Variants in PCSK2 observed in about 807,000 individuals in gnomAD.
The protein encoded by PCSK2 is proprotein convertase subtilisin/kexin type 2.
PCSK2 carries 14 observed loss-of-function variants against 69.7 expected under a neutral mutation model. That is an observed-to-expected ratio of 0.20 (90% confidence interval 0.13 to 0.31). PCSK2 has a LOEUF of 0.31. Among genes scored for constraint, PCSK2 ranks in the 10% least tolerant of loss-of-function variants. PCSK2 has a pLI of 1.00. For missense variants in PCSK2, 544 were observed against 842.5 expected (o/e 0.65, Z 4.39); for synonymous variants, 307 against 320.7 (o/e 0.96, Z 0.46).
At chr20:17,291,258 A>T (rs1361241152) in intron 2 of PCSK2, among the ~76,000 whole-genome samples, 1 of 152,166 alleles carries the variant, frequency 6.6e-6, no homozygotes, top group Admixed American at 6.5e-5. Flanking sequence ...TATACAAAAT[A>T]TGCATATATA....
intron 5 of PCSK2, among the ~76,000 whole-genome samples, chr20:17,372,007 G>A (rs2030778685): frequency 1.3e-5 from 2 of 152,286 alleles, no homozygotes; most frequent in South Asian, 2.1e-4. Context: ...AATTCTCCTG[G>A]TACAATGAGG....
chr20:17,471,127 G>C (rs116250553), intron 11 of PCSK2, among the ~76,000 whole-genome samples: 2 of 152,200 alleles, frequency 1.3e-5, no homozygotes, highest in African/African-American at 4.8e-5. Flanking sequence ...CACCGCGGGA[G>C]AGAAGGAGAG....
intron 1 of PCSK2, among the ~76,000 whole-genome samples, chr20:17,241,454 T>TA (rs1986568709): frequency 6.6e-6 from 1 of 152,178 alleles, no homozygotes; most frequent in Non-Finnish European, 1.5e-5. Flanking sequence ...GATGGCCACA[T>TA]ACAGGACATC....
At chr20:17,240,212 C>T (rs1398865847) in intron 1 of PCSK2, among the ~76,000 whole-genome samples, 1 of 151,960 alleles carries the variant, frequency 6.6e-6, no homozygotes, top group Non-Finnish European at 1.5e-5. Context: ...TTGGCCAAAG[C>T]AAGTCACATG....
chr20:17,305,449 AG>A (rs1449987576), intron 2 of PCSK2, among the ~76,000 whole-genome samples: 1 of 152,216 alleles, frequency 6.6e-6, no homozygotes, highest in Non-Finnish European at 1.5e-5. Flanking sequence ...GAAGAAGGGA[AG>A]GAATCGTGTG....
chr20:17,347,892 GAAAGAAAGAAAGAA>G (rs1990713050), intron 2 of PCSK2, among the ~76,000 whole-genome samples: 1 of 7,830 alleles, frequency 1.3e-4, no homozygotes, highest in African/African-American at 3.3e-4. Flanking sequence ...AAGAAAGAAA[GAAAGAAAGAAAGAA>G]AGAAAGAAAG....
intron 2 of PCSK2, among the ~76,000 whole-genome samples, chr20:17,296,116 T>A (rs1988885640): frequency 6.6e-6 from 1 of 152,164 alleles, no homozygotes; most frequent in Admixed American, 6.5e-5. Flanking sequence ...CAGCCTCTGA[T>A]GGCCAATGAG....
At position 17,356,249 on chromosome 20, in the gene PCSK2, C is replaced by T. The variant is rs1469341192; in HGVS notation, c.283-2078C>T. Among the ~76,000 whole-genome samples the T allele has an allele frequency of 2.0e-5, 3 of 152,008 alleles. No homozygotes were observed. The South Asian group carries it at 6.2e-4, about 32-fold the overall frequency. On this transcript the variant is annotated intron_variant, in intron 2 of 11. Coordinates refer to ENST00000262545, the MANE Select transcript of PCSK2 (RefSeq NM_002594.5). ...TGCCGTTATAAAAATACCCATCTATCCCATTTTTCTAATTATTTCACATTT... is the reference window on the plus strand; with the variant it reads ...TGCCGTTATAAAAATACCCATCTATTCCATTTTTCTAATTATTTCACATTT...
chr20:17,315,476 T>A (rs1282528076), intron 2 of PCSK2, among the ~76,000 whole-genome samples: 1 of 152,178 alleles, frequency 6.6e-6, no homozygotes, highest in Non-Finnish European at 1.5e-5. Context: ...GGGGCCTCCC[T>A]CCTGCGCGGA....
chr20:17,397,772 C>T (rs60893742), intron 5 of PCSK2, among the ~76,000 whole-genome samples: 147 of 152,260 alleles, frequency 9.7e-4, no homozygotes, highest in African/African-American at 3.4e-3. Context: ...CCGCCGCCCC[C>T]GGCCAAATTC....
At chr20:17,353,750 C>T (rs2030094655) in intron 2 of PCSK2, among the ~76,000 whole-genome samples, 1 of 152,200 alleles carries the variant, frequency 6.6e-6, no homozygotes, top group Non-Finnish European at 1.5e-5. Flanking sequence ...CCTAGGTACC[C>T]ATCAAAGGTG....
At chr20:17,448,446 A>G (rs1296318033) in intron 8 of PCSK2, among the ~76,000 whole-genome samples, 1 of 151,896 alleles carries the variant, frequency 6.6e-6, no homozygotes, top group Non-Finnish European at 1.5e-5. Flanking sequence ...TGAGCAAAAT[A>G]AAAAAATTGC....
Position 17,465,362 on chromosome 20 carries a change from T to G in PCSK2, c.1239T>G (p.Thr413=). The stretch of plus-strand genomic sequence containing the variant: ...CCTGGCGGGACATGCAGCATCTGAC[T>G]GTGCTCACCTCCAAACGGAACCAGC... ...GLTWRDMQHL[T]VLTSKRNQLH... is the part of the protein sequence containing the mutation. The change falls in exon 11 of 12, where the codon ACT becomes ACG. Residue 413 remains threonine (T), a synonymous_variant. Coordinates refer to ENST00000262545, the MANE Select transcript of PCSK2 (RefSeq NM_002594.5). The G allele has an allele frequency of 6.2e-7, 1 of 1,614,200 alleles. No homozygotes were observed. The highest frequency in any genetic ancestry group is 1.1e-5 in the South Asian group (1 of 91,072).
chr20:17,293,250 T>G (rs1221124716), intron 2 of PCSK2, among the ~76,000 whole-genome samples: 1 of 152,226 alleles, frequency 6.6e-6, no homozygotes, highest in Non-Finnish European at 1.5e-5. Context: ...TCTCTCAAAT[T>G]TTCTAAGAAG....
chr20:17,344,997 TG>T (rs2123179878), intron 2 of PCSK2, among the ~76,000 whole-genome samples: 1 of 152,344 alleles, frequency 6.6e-6, no homozygotes, highest in African/African-American at 2.4e-5. Context: ...GCCTAATTAA[TG>T]ACTTCATGCA....
intron 2 of PCSK2, among the ~76,000 whole-genome samples, chr20:17,335,744 T>C (rs900369089): frequency 6.6e-6 from 1 of 151,860 alleles, no homozygotes; most frequent in Non-Finnish European, 1.5e-5. Context: ...GAACATACGA[T>C]GTTTGATGTT....
chr20:17,357,769 C>T (rs911598270), intron 2 of PCSK2, among the ~76,000 whole-genome samples: 2 of 152,048 alleles, frequency 1.3e-5, no homozygotes, highest in African/African-American at 4.8e-5. Flanking sequence ...TGGCACATGC[C>T]TGTAATCCCA....
At chr20:17,301,896 A>C (rs1989096577) in intron 2 of PCSK2, among the ~76,000 whole-genome samples, 1 of 152,084 alleles carries the variant, frequency 6.6e-6, no homozygotes, top group Admixed American at 6.6e-5. Flanking sequence ...ATGCCATTGC[A>C]CTTCAGCCTG....
At chr20:17,402,629 C>G (rs1322780164) in intron 5 of PCSK2, among the ~76,000 whole-genome samples, 1 of 134,792 alleles carries the variant, frequency 7.4e-6, no homozygotes. Flanking sequence ...CCCCCGCACT[C>G]AAGCCTGGGC....
Sources: gnomAD v4.1 joint callset for allele counts (sites outside exome capture counted in the v4.1 genomes callset) on GRCh38, gnomAD v4.1.1 for gene constraint, MANE v1.5 for transcripts, NCBI Gene and HGNC (gene_info 2026-07-23, HGNC 2026-07-21) for gene names.